The following GJB6 variants were observed in gnomAD, a reference collection of about 807,000 sequenced individuals.
GJB6 encodes gap junction beta-6 protein.
A neutral mutation model predicts 5.4 loss-of-function variants in GJB6; 5 were observed. The observed-to-expected ratio is 0.92, with a 90% confidence interval of 0.48 to 1.93. The LOEUF (loss-of-function observed/expected upper bound fraction) is 1.93, where lower values mean the gene tolerates loss of function less well. Ranked by LOEUF, GJB6 falls within the 30% of genes most tolerant of loss-of-function variation. The pLI is 0.01. For missense variants in GJB6, 298 were observed against 326.9 expected (o/e 0.91, Z 0.68); for synonymous variants, 136 against 129.6 (o/e 1.05, Z -0.34).
intron 4 of GJB6, among the ~76,000 whole-genome samples, chr13:20,229,190 C>T (rs77119812): frequency 6.9e-6 from 1 of 145,708 alleles, no homozygotes; most frequent in Non-Finnish European, 1.5e-5. Flanking sequence ...GCCCTGTTGC[C>T]CAGGGTGGAG....
chr13:20,225,969 C>T (rs946037378), intron 4 of GJB6, among the ~76,000 whole-genome samples: 32 of 152,024 alleles, frequency 2.1e-4, no homozygotes, highest in African/African-American at 7.0e-4. Flanking sequence ...CACAAGGTTG[C>T]GAAAAAGAGA....
At chr13:20,224,738 T>G (rs1294914684) in intron 4 of GJB6, among the ~76,000 whole-genome samples, 1 of 152,224 alleles carries the variant, frequency 6.6e-6, no homozygotes, top group Non-Finnish European at 1.5e-5. Context: ...ATGGACCCTT[T>G]GAAAATTTTC....
chr13:20,228,452 TTTTC>T (rs146259484), intron 4 of GJB6, among the ~76,000 whole-genome samples: 29 of 143,688 alleles, frequency 2.0e-4, no homozygotes, highest in African/African-American at 6.2e-4. Context: ...CGATGCTGTT[TTTTC>T]TTGTTTGTTT....
chr13:20,223,534 G>T (rs1057393863), intron 4 of GJB6, 39 bp from the exon 5 acceptor site: 17 of 1,496,094 alleles, frequency 1.1e-5, no homozygotes, highest in Non-Finnish European at 1.6e-5. Flanking sequence ...ATTAGTGGAA[G>T]AGGCCTTGGG....
chr13:20,224,352 C>A (rs1435868030), intron 4 of GJB6, among the ~76,000 whole-genome samples: 1 of 152,192 alleles, frequency 6.6e-6, no homozygotes, highest in African/African-American at 2.4e-5. Context: ...CATCATCTGC[C>A]ATACTCATGT....
In GJB6 at chr13:20,231,522, A is replaced by G. The variant is rs1023987901; in HGVS notation, c.-419-17T>C. 3.9e-5 allele frequency: 6 copies of G among 152,156 alleles called. No homozygotes were observed. Among genetic ancestry groups the G allele is most frequent in the African/African-American group, 1.2e-4 (5 of 41,434 alleles). The allele number at this position is 152,156 out of a possible 1,614,324, so 9.4% of individuals were successfully genotyped here. A position where few individuals can be genotyped will look rare whatever the true frequency, so the allele number is the denominator to read the frequency against. ...ACGTTTTAACTAAGATGTGTCGCCAATTACTTTTAATTACTGTCGTCCACG... is the reference window on the plus strand; with the variant it reads ...ACGTTTTAACTAAGATGTGTCGCCAGTTACTTTTAATTACTGTCGTCCACG... On this transcript the variant is annotated splice_polypyrimidine_tract_variant and intron_variant, in intron 1 of 4. Transcript: ENST00000647029.
intron 4 of GJB6, among the ~76,000 whole-genome samples, chr13:20,224,924 C>T (rs993700139): frequency 1.9e-4 from 29 of 152,272 alleles, no homozygotes; most frequent in Admixed American, 1.3e-4. Flanking sequence ...CTGGACCTCA[C>T]GCTCTGGCCC....
chr13:20,228,507 G>A (rs565789425), intron 4 of GJB6, among the ~76,000 whole-genome samples: 2 of 146,906 alleles, frequency 1.4e-5, no homozygotes, highest in South Asian at 4.3e-4. Flanking sequence ...TTTTTGAGAT[G>A]GAGTCTAGCT....
At chr13:20,230,530 A>G (rs1488469818) in intron 3 of GJB6, among the ~76,000 whole-genome samples, 168 bp downstream of exon 3, 1 of 152,228 alleles carries the variant, frequency 6.6e-6, no homozygotes, top group Non-Finnish European at 1.5e-5. Context: ...CTGGGGTTCC[A>G]GGTCTATGCT....
At chr13:20,228,514 A>G (rs540539456) in intron 4 of GJB6, among the ~76,000 whole-genome samples, 27 of 148,614 alleles carry the variant, frequency 1.8e-4, no homozygotes, top group East Asian at 5.9e-4. Flanking sequence ...GATGGAGTCT[A>G]GCTCTGTTGC....
chr13:20,224,399 AG>A (rs1439804700), intron 4 of GJB6, among the ~76,000 whole-genome samples: 1 of 152,234 alleles, frequency 6.6e-6, no homozygotes, highest in Non-Finnish European at 1.5e-5. Flanking sequence ...CTACTGAGAA[AG>A]CCTCTTCTAA....
chr13:20,227,133 GT>G (rs369948551), intron 4 of GJB6, among the ~76,000 whole-genome samples: 262 of 150,986 alleles, frequency 1.7e-3, no homozygotes, highest in Non-Finnish European at 2.5e-3. Flanking sequence ...GCTTCTCCCT[GT>G]TTTTTTTTTC....
chr13:20,224,678 A>C (rs1869453671), intron 4 of GJB6, among the ~76,000 whole-genome samples: 1 of 152,246 alleles, frequency 6.6e-6, no homozygotes, highest in Non-Finnish European at 1.5e-5. Context: ...CTGCCACAGA[A>C]GACTATAGAA....
chr13:20,228,522 T>C lies in GJB6; in HGVS notation c.-16+1058A>G, dbSNP rs536342102. 3.8e-3 allele frequency among the ~76,000 whole-genome samples: 570 copies of C among 151,920 alleles called. 4 individuals are homozygous for C. The highest frequency in any genetic ancestry group is 9.9e-3 in the East Asian group (51 of 5,170). On this transcript the variant is annotated intron_variant, in intron 4 of 4. Coordinates refer to ENST00000647029, the MANE Select transcript of GJB6 (RefSeq NM_001110219.3). ...TTTTTGAGATGGAGTCTAGCTCTGT[T>C]GCCCAAGCTGGAGTACCGTGGCACG...
At chr13:20,227,905 A>T (rs1272946621) in intron 4 of GJB6, among the ~76,000 whole-genome samples, 1 of 152,208 alleles carries the variant, frequency 6.6e-6, no homozygotes, top group Non-Finnish European at 1.5e-5. Flanking sequence ...ACTCAACTCC[A>T]CTGACTGCTC....
intron 4 of GJB6, among the ~76,000 whole-genome samples, chr13:20,227,390 G>C (rs1869662893): frequency 6.6e-6 from 1 of 152,134 alleles, no homozygotes; most frequent in Non-Finnish European, 1.5e-5. Context: ...TCCAATACAA[G>C]TGTGTCTAAC....
At chr13:20,228,272 C>T (rs1869733858) in intron 4 of GJB6, among the ~76,000 whole-genome samples, 1 of 152,150 alleles carries the variant, frequency 6.6e-6, no homozygotes, top group African/African-American at 2.4e-5. Flanking sequence ...ACTCTTTCTT[C>T]GGAAACCAGA....
At chr13:20,229,315 ATTTTTTTTTTTTTTTT>A (rs60451416) in intron 4 of GJB6, among the ~76,000 whole-genome samples, 1 of 55,272 alleles carries the variant, frequency 1.8e-5, no homozygotes, top group Admixed American at 2.6e-4. Flanking sequence ...TACCTGGTTA[ATTTTTTTTTTTTTTTT>A]TTTTTTTTTT....
Position 20,223,364 on chromosome 13 carries a change from A to G in GJB6, c.117T>C (p.Ala39=), listed in dbSNP as rs727503070. ...GCTCGTCACCCCACACTTCCTGGGC[A>G]GCCACCACGAGGATCATGACTCGGA... is the stretch of plus-strand genomic sequence containing the variant. ...FIFRVMILVV[A]AQEVWGDEQE... is the part of the protein sequence containing the mutation. The change falls in exon 5 of 5, where the codon GCT becomes GCC. Residue 39 remains alanine, a synonymous_variant. Transcript: ENST00000647029. 3.9e-5 allele frequency: 63 copies of G among 1,614,058 alleles called. No individual in the cohort carries two copies. Among genetic ancestry groups the G allele is most frequent in the Admixed American group, 2.3e-4 (14 of 60,008 alleles).
Sources: gnomAD v4.1 joint callset for allele counts (sites outside exome capture counted in the v4.1 genomes callset) on GRCh38, gnomAD v4.1.1 for gene constraint, MANE v1.5 for transcripts, NCBI Gene and HGNC (gene_info 2026-07-23, HGNC 2026-07-21) for gene names.